OLFM3: variants seen among roughly 807,000 people sequenced by gnomAD.
The protein encoded by OLFM3 is olfactomedin 3, also known as noelin-3.
OLFM3 carries 20 observed loss-of-function variants against 48.6 expected under a neutral mutation model. That is an observed-to-expected ratio of 0.41 (90% CI 0.29 to 0.60). OLFM3 has a LOEUF of 0.60. Among genes scored for constraint, OLFM3 ranks in the 20% least tolerant of loss-of-function variants. OLFM3 has a pLI of 0.28. For missense variants in OLFM3, 437 were observed against 544.3 expected, an observed-to-expected ratio of 0.80 and a Z score of 1.96; for synonymous variants, 222 against 198.1, an observed-to-expected ratio of 1.12 and a Z score of -1.01.
intron 1 of OLFM3, among the ~76,000 whole-genome samples, chr1:101,916,631 A>G (rs958142078): frequency 9.2e-5 from 14 of 152,310 alleles, no homozygotes; most frequent in Admixed American, 3.3e-4. Flanking sequence ...ACTGCTAAGG[A>G]CAGTATTTTA....
intron 1 of OLFM3, among the ~76,000 whole-genome samples, chr1:101,878,116 T>C (rs1481865331): frequency 6.6e-6 from 1 of 151,848 alleles, no homozygotes; most frequent in Non-Finnish European, 1.5e-5. Context: ...ATGCAAGACC[T>C]TGAGACTCTG....
intron 1 of OLFM3, among the ~76,000 whole-genome samples, chr1:101,880,936 G>C (rs1357430256): frequency 3.3e-5 from 5 of 151,812 alleles, no homozygotes; most frequent in Admixed American, 3.3e-4. Flanking sequence ...TGTATGCATA[G>C]TACCAAAGCA....
chr1:101,940,398 A>G (rs1358678663), intron 1 of OLFM3, among the ~76,000 whole-genome samples: 4 of 134,094 alleles, frequency 3.0e-5, no homozygotes, highest in Non-Finnish European at 6.4e-5. Flanking sequence ...TCTCTTTTTG[A>G]GCTTTGAAAA....
intron 1 of OLFM3, among the ~76,000 whole-genome samples, chr1:101,993,029 G>A (rs1226283392): frequency 1.3e-5 from 2 of 152,058 alleles, no homozygotes; most frequent in African/African-American, 4.8e-5. Flanking sequence ...ACTCAGCACG[G>A]TTCCCCTGAT....
At chr1:101,887,683 C>A (rs1657818058) in intron 1 of OLFM3, among the ~76,000 whole-genome samples, 1 of 151,866 alleles carries the variant, frequency 6.6e-6, no homozygotes, top group African/African-American at 2.4e-5. Context: ...AAAATAAAAT[C>A]ATCTTGGTAA....
intron 3 of OLFM3, among the ~76,000 whole-genome samples, chr1:101,825,990 A>C (rs1654844646): frequency 6.6e-6 from 1 of 152,234 alleles, no homozygotes; most frequent in Admixed American, 6.5e-5. Flanking sequence ...TACCATAGAT[A>C]ATTTAAAGGT....
intron 1 of OLFM3, among the ~76,000 whole-genome samples, chr1:101,992,734 T>C (rs1305714574): frequency 2.0e-5 from 3 of 152,282 alleles, no homozygotes; most frequent in Non-Finnish European, 1.5e-5. Context: ...TCTGATTATT[T>C]TCTTTAGCAA....
chr1:101,971,178 A>C (rs544810209), intron 1 of OLFM3, among the ~76,000 whole-genome samples: 2 of 152,314 alleles, frequency 1.3e-5, no homozygotes, highest in South Asian at 4.1e-4. Context: ...AGTGGGCATC[A>C]ATTGTTCTGG....
At chr1:101,805,708 C>T (rs1196989273) in intron 5 of OLFM3, among the ~76,000 whole-genome samples, 1 of 151,686 alleles carries the variant, frequency 6.6e-6, no homozygotes, top group African/African-American at 2.4e-5. Flanking sequence ...TACTAAAGAA[C>T]ATATTTTAGA....
chr1:101,901,405 T>C (rs1658382078), intron 1 of OLFM3, among the ~76,000 whole-genome samples: 1 of 152,064 alleles, frequency 6.6e-6, no homozygotes, highest in African/African-American at 2.4e-5. Flanking sequence ...CAATGAGTAC[T>C]GTACATGGGA....
At chr1:101,927,821 A>C (rs1256327563) in intron 1 of OLFM3, among the ~76,000 whole-genome samples, 2 of 151,028 alleles carry the variant, frequency 1.3e-5, no homozygotes, top group East Asian at 3.9e-4. Context: ...GGAAAAACAC[A>C]TACCAGACTA....
chr1:101,941,634 G>A (rs564506044), intron 1 of OLFM3, among the ~76,000 whole-genome samples: 6 of 152,260 alleles, frequency 3.9e-5, no homozygotes, highest in African/African-American at 1.2e-4. Flanking sequence ...AATTAAAATT[G>A]TAGAAACATT....
At chr1:101,846,703 A>G in intron 1 of OLFM3, 1 of 601,726 alleles carries the variant, frequency 1.7e-6, no homozygotes, top group East Asian at 2.7e-5. Flanking sequence ...AATAAATATG[A>G]TGAAAGTTAC....
At chr1:101,928,019 C>T (rs1381461026) in intron 1 of OLFM3, among the ~76,000 whole-genome samples, 1 of 151,918 alleles carries the variant, frequency 6.6e-6, no homozygotes, top group Non-Finnish European at 1.5e-5. Flanking sequence ...TTAAGATAGG[C>T]TCTGTTTCTG....
chr1:101,980,033 G>A (rs906879379), intron 1 of OLFM3, among the ~76,000 whole-genome samples: 54 of 152,134 alleles, frequency 3.5e-4, no homozygotes, highest in African/African-American at 1.3e-3. Flanking sequence ...TTTCAGAGTT[G>A]GGTAGGGCCT....
chr1:101,961,319 CAA>C (rs1214302446), intron 1 of OLFM3, among the ~76,000 whole-genome samples: 4 of 151,860 alleles, frequency 2.6e-5, no homozygotes, highest in Admixed American at 1.3e-4. Flanking sequence ...ACAAGATGAT[CAA>C]AGTCATTTGT....
At chr1:101,930,390 T>A (rs1659409477) in intron 1 of OLFM3, among the ~76,000 whole-genome samples, 1 of 152,186 alleles carries the variant, frequency 6.6e-6, no homozygotes, top group African/African-American at 2.4e-5. Flanking sequence ...GAAGTCTGCA[T>A]GGTAGAGTGA....
intron 1 of OLFM3, among the ~76,000 whole-genome samples, chr1:101,860,568 C>T (rs1165618777): frequency 6.6e-6 from 1 of 152,012 alleles, no homozygotes; most frequent in Admixed American, 6.5e-5. Context: ...TAAATTTTCT[C>T]TTCAATCGTT....
In OLFM3 at chr1:101,862,576, T is replaced by C. The variant is rs377724618; in HGVS notation, c.70-25551A>G. On this transcript the variant is annotated intron_variant, in intron 1 of 5. Transcript: ENST00000370103. ...TCTGAAAACTTAGCTAGCCAATAAA[T>C]GGAGGAATTCATTCTTATGACCTTA... 2.8e-4 allele frequency among the ~76,000 whole-genome samples: 42 copies of C among 152,350 alleles called. No homozygotes were observed. In the East Asian group the frequency reaches 5.4e-3, roughly 20 times the overall value.
Sources: gnomAD v4.1 joint callset for allele counts (sites outside exome capture counted in the v4.1 genomes callset) on GRCh38, gnomAD v4.1.1 for gene constraint, MANE v1.5 for transcripts, NCBI Gene and HGNC (gene_info 2026-07-23, HGNC 2026-07-21) for gene names.